The following KCNC4 variants were observed in gnomAD, a reference collection of about 807,000 sequenced individuals.
KCNC4 encodes potassium voltage-gated channel subfamily C member 4, also known as voltage-gated potassium channel KCNC4.
A neutral mutation model predicts 42.8 loss-of-function variants in KCNC4; 23 were observed. The observed-to-expected ratio is 0.54, with a 90% CI of 0.39 to 0.76. The LOEUF (loss-of-function observed/expected upper bound fraction) is 0.76. KCNC4 is among the 30% of genes least tolerant of loss of function. The pLI is 0.00. For missense variants in KCNC4, 751 were observed against 898.2 expected (o/e 0.84, Z 2.10); for synonymous variants, 422 against 393.5 (o/e 1.07, Z -0.86).
intron 3 of KCNC4, among the ~76,000 whole-genome samples, chr1:110,231,633 G>A (rs1231394972): frequency 6.6e-6 from 1 of 152,188 alleles, no homozygotes; most frequent in East Asian, 1.9e-4. Context: ...CCCCTAATGA[G>A]TGGGGATCAG....
chr1:110,275,725 G>A (rs531570432), intron 1 of KCNC4, among the ~76,000 whole-genome samples: 9 of 152,172 alleles, frequency 5.9e-5, no homozygotes, highest in Non-Finnish European at 7.4e-5. Context: ...TTGGGAGGCC[G>A]AGGCGGGTGG....
chr1:110,237,148 A>C (rs1430971843), downstream of KCNC4: 2 of 151,788 alleles, frequency 1.3e-5, no homozygotes, highest in African/African-American at 2.4e-5. Flanking sequence ...TCTCTACACA[A>C]AAAAAAAGAA....
chr1:110,219,562 G>T (rs990528786), intron 1 of KCNC4, among the ~76,000 whole-genome samples: 1 of 152,154 alleles, frequency 6.6e-6, no homozygotes, highest in African/African-American at 2.4e-5. Flanking sequence ...GGGAGGCTCG[G>T]ATCTCCACTG....
downstream of KCNC4, among the ~76,000 whole-genome samples, chr1:110,251,493 C>T (rs1026732702): frequency 7.2e-5 from 11 of 152,328 alleles, no homozygotes; most frequent in South Asian, 1.0e-3. Context: ...GCACCCCCAG[C>T]CATGTGGAAC....
At chr1:110,242,624 TTC>T (rs1242899354) in exon 4 of KCNC4, 5 of 152,348 alleles carry the variant, frequency 3.3e-5, no homozygotes, top group African/African-American at 1.2e-4. Context: ...TCTTCTGGCT[TTC>T]TCTCTGTCGA....
At chr1:110,220,022 GC>G (rs2101003593) in intron 1 of KCNC4, 1 of 152,268 alleles carries the variant, frequency 6.6e-6, no homozygotes, top group African/African-American at 2.4e-5. Context: ...GGAGATTGAG[GC>G]CCCACCAAGG....
exon 4 of KCNC4, chr1:110,242,696 C>T (rs937703755): frequency 7.9e-5 from 12 of 152,236 alleles, no homozygotes; most frequent in Admixed American, 6.5e-4. Flanking sequence ...TAATAGCTAA[C>T]GTGGATTGAG....
At chr1:110,267,878 C>G (rs4839279) in intron 1 of KCNC4, among the ~76,000 whole-genome samples, 84,173 of 152,078 alleles carry the variant, frequency 0.55, 23,482 homozygotes, top group South Asian at 0.62. Context: ...AAAACTGCCC[C>G]TTCCTTGTTC....
At chr1:110,230,268 A>C (rs1317132081) in intron 3 of KCNC4, among the ~76,000 whole-genome samples, 2 of 152,032 alleles carry the variant, frequency 1.3e-5, no homozygotes, top group African/African-American at 4.8e-5. Flanking sequence ...AGAAGAGGGG[A>C]TGTGGGGGCC....
rs564393516 is a variant in KCNC4, at chr1:110,254,215, C to T, written n.31-28319C>T. Reference sequence around the variant, plus strand: ...AGATGCTTTGTCAGAAAGGAGGATTCGGTTGCATGAAACCATTCCCATTCT... The same window carrying T: ...AGATGCTTTGTCAGAAAGGAGGATTTGGTTGCATGAAACCATTCCCATTCT... On this transcript the variant is annotated intron_variant and non_coding_transcript_variant, in intron 1 of 2. Coordinates refer to the KCNC4 transcript ENST00000412512. 2.0e-5 allele frequency among the ~76,000 whole-genome samples: 3 copies of T among 151,898 alleles called. No individual in the cohort carries two copies. The South Asian group carries it at 6.3e-4, about 32-fold the overall frequency.
At chr1:110,281,555 AACACACACACAC>A (rs55839432) in intron 1 of KCNC4, among the ~76,000 whole-genome samples, 6 of 140,348 alleles carry the variant, frequency 4.3e-5, no homozygotes, top group Admixed American at 2.2e-4. Context: ...CATATGTAAA[AACACACACACAC>A]ACACACACAC....
At chr1:110,222,602 A>C in intron 1 of KCNC4, 1 of 234,850 alleles carries the variant, frequency 4.3e-6, no homozygotes. Flanking sequence ...AAGCCTCTGG[A>C]TCAGGAATGC....
At chr1:110,232,748 C>T in intron 3 of KCNC4, 163 bp from the exon 4 acceptor site, 1 of 1,533,268 alleles carries the variant, frequency 6.5e-7, no homozygotes, top group South Asian at 1.2e-5. Context: ...CTGGTCTACT[C>T]CTTAGCCCAC....
chr1:110,279,423 C>T (rs1659784114), intron 1 of KCNC4, among the ~76,000 whole-genome samples: 1 of 152,148 alleles, frequency 6.6e-6, no homozygotes, highest in South Asian at 2.1e-4. Flanking sequence ...TGTCTGTCTC[C>T]AGTATACACA....
exon 4 of KCNC4, chr1:110,244,390 A>AAAAT (rs1659098523): frequency 1.3e-5 from 2 of 151,134 alleles, no homozygotes; most frequent in Admixed American, 6.6e-5. Context: ...AATAATAATA[A>AAAAT]ATAACAAAAC....
chr1:110,223,684 C>G lies in KCNC4; in HGVS notation c.1399C>G (p.Pro467Ala), dbSNP rs777518449. The G allele has an allele frequency of 6.2e-7, 1 of 1,614,060 alleles. No homozygotes were observed. Among genetic ancestry groups the G allele is most frequent in the Non-Finnish European group, 8.5e-7 (1 of 1,180,032 alleles). Residue 467 changes from proline to alanine, a missense_variant, in exon 2 of 4, where the codon CCG (proline) becomes GCG (alanine). Transcript: ENST00000438661. This position sits in a 1 kb window ranked among gnomAD's most constrained non-coding sequence, Gnocchi z 7.5. ...GGCTGGCGTGCTCACCATCGCCATG[C>G]CGGTGCCTGTCATCGTCAACAACTT... is the stretch of plus-strand genomic sequence containing the variant. ...ALAGVLTIAM[P>A]VPVIVNNFGM...
In KCNC4 at chr1:110,233,022, T is replaced by C; in HGVS notation, c.*50T>C. 1 of 1,583,712 alleles carries C rather than the reference T, an allele frequency of 6.3e-7. No individual in the cohort carries two copies. Among genetic ancestry groups the C allele is most frequent in the Non-Finnish European group, 8.6e-7 (1 of 1,163,584 alleles). ...GGCAGACAGACAGAAAGCCAGAGGC[T>C]TAGGGAAACTCTGGAACCCAGACAA... On this transcript the variant is annotated 3_prime_UTR_variant, in exon 4 of 4. Transcript: ENST00000438661.
At position 110,223,321 on chromosome 1, in the gene KCNC4, C is replaced by T; in HGVS notation, c.1036C>T (p.Leu346=). The stretch of plus-strand genomic sequence containing the variant: ...GGCGGCCCGCGACGTGCTGGGCTTC[C>T]TGCGCGTGGTGCGCTTCGTGCGCAT... ...SKAARDVLGF[L]RVVRFVRILR... Residue 346 remains leucine (L), a synonymous_variant, in exon 2 of 4, where the codon CTG becomes TTG. Coordinates refer to ENST00000438661, the MANE Select transcript of KCNC4 (RefSeq NM_001039574.3). This position sits in a 1 kb window ranked among gnomAD's most constrained non-coding sequence, Gnocchi z 7.5. 1 of 1,614,066 alleles carries T rather than the reference C, an allele frequency of 6.2e-7. No homozygotes were observed. The highest frequency in any genetic ancestry group is 8.5e-7 in the Non-Finnish European group (1 of 1,180,010).
rs552796265 is a variant in KCNC4, at chr1:110,233,149, T to G, written c.*177T>G. ...GGCCCAGAGCCATCTGGGTCTGATG[T>G]TCTGTTCCATTGTACATCGAAGAGA... is the stretch of plus-strand genomic sequence containing the variant. On this transcript the variant is annotated 3_prime_UTR_variant, in exon 4 of 4. Transcript: ENST00000438661. The G allele has an allele frequency of 1.5e-6, 1 of 670,978 alleles. No individual in the cohort carries two copies. The highest frequency in any genetic ancestry group is 2.6e-6 in the Non-Finnish European group (1 of 392,036). 41.6% of individuals were successfully genotyped at this position (670,978 alleles called of 1,614,324 possible).
Sources: allele counts gnomAD v4.1 joint callset (sites outside exome capture counted in the v4.1 genomes callset), GRCh38; gene constraint gnomAD v4.1.1; non-coding constraint Gnocchi (gnomAD v3.1); transcripts MANE v1.5; gene names NCBI Gene and HGNC (gene_info 2026-07-23, HGNC 2026-07-21).